Variants in UPF2 observed in about 807,000 individuals in gnomAD.
The protein encoded by UPF2 is regulator of nonsense transcripts 2.
UPF2 carries 17 observed loss-of-function variants against 141.4 expected under a neutral mutation model. The observed-to-expected ratio is 0.12, with a 90% CI of 0.08 to 0.18. UPF2 has a LOEUF of 0.18. Among genes scored for constraint, UPF2 ranks in the 10% least tolerant of loss-of-function variants. The pLI, the probability that UPF2 is intolerant of heterozygous loss-of-function variation, is 1.00. For missense variants in UPF2, 1,152 were observed against 1,515.9 expected (o/e 0.76, Z 3.99); for synonymous variants, 540 against 498.0 (o/e 1.08, Z -1.12).
intron 8 of UPF2, among the ~76,000 whole-genome samples, chr10:11,988,164 G>A (rs969298628): frequency 1.3e-5 from 2 of 152,166 alleles, no homozygotes; most frequent in African/African-American, 4.8e-5. Context: ...GATGCTCAAC[G>A]TCATATGTCA....
At chr10:12,036,855 G>A (rs117962534) in intron 1 of UPF2, among the ~76,000 whole-genome samples, 7,959 of 152,094 alleles carry the variant, frequency 0.052, 282 homozygotes, top group Non-Finnish European at 0.08. Flanking sequence ...GAGAAATCTC[G>A]TCTCTACTAA....
chr10:12,027,005 T>A (rs1299161881), intron 3 of UPF2, among the ~76,000 whole-genome samples: 1 of 152,176 alleles, frequency 6.6e-6, no homozygotes, highest in East Asian at 1.9e-4. Context: ...CTGTGTTTCA[T>A]TAAATTGTGA....
At chr10:11,932,560 T>TA (rs888259184) in intron 19 of UPF2, among the ~76,000 whole-genome samples, 1 of 151,842 alleles carries the variant, frequency 6.6e-6, no homozygotes, top group Non-Finnish European at 1.5e-5. Flanking sequence ...ATTATGTACT[T>TA]AAAAAAAACA....
chr10:11,921,466 C>T lies in UPF2; in HGVS notation c.3810-159G>A, dbSNP rs1014583673. Reference sequence around the variant, plus strand: ...TCCACATCCATGGACCAAAAATATTCGGGGGAAAAAAACCCAAACAATAAA... The same window carrying T: ...TCCACATCCATGGACCAAAAATATTTGGGGGAAAAAAACCCAAACAATAAA... On this transcript the variant is annotated intron_variant, in intron 21 of 21. Transcript: ENST00000357604. The surrounding 1 kb of genome is among the most constrained non-coding windows in gnomAD (Gnocchi z 5.9). Among the ~76,000 whole-genome samples, 1 of 151,690 alleles carries T rather than the reference C, an allele frequency of 6.6e-6. No homozygotes were observed.
chr10:11,941,588 A>T (rs1832936962), intron 18 of UPF2, among the ~76,000 whole-genome samples: 2 of 151,996 alleles, frequency 1.3e-5, no homozygotes, highest in Admixed American at 1.3e-4. Flanking sequence ...CTGTCTTTTA[A>T]CTCTACGACC....
At position 11,980,956 on chromosome 10, in the gene UPF2, G is replaced by A. The variant is rs1054408020; in HGVS notation, c.1845-1791C>T. Among the ~76,000 whole-genome samples the A allele has an allele frequency of 2.0e-5, 3 of 152,068 alleles. No homozygotes were observed. Among genetic ancestry groups the A allele is most frequent in the Admixed American group, 6.6e-5 (1 of 15,256 alleles). On this transcript the variant is annotated intron_variant, in intron 8 of 21. Transcript: ENST00000357604. The surrounding 1 kb of genome is among the most constrained non-coding windows in gnomAD (Gnocchi z 4.2). ...TAATCCCAGCACTTTGGCAGGCTGA[G>A]ACAGGTGGATCACCTGAGGTGAGGA... is the stretch of plus-strand genomic sequence containing the variant.
At chr10:12,004,869 T>C in intron 4 of UPF2, 142 bp from the exon 5 acceptor site, 2 of 736,274 alleles carry the variant, frequency 2.7e-6, no homozygotes, top group Non-Finnish European at 4.2e-6. Context: ...AACAAGCACA[T>C]GTGACCGTTT....
chr10:12,021,197 T>C (rs1210330033), intron 3 of UPF2, among the ~76,000 whole-genome samples: 1 of 152,160 alleles, frequency 6.6e-6, no homozygotes, highest in Non-Finnish European at 1.5e-5. Context: ...ATCTTCAAAA[T>C]ATAGGCATTT....
In UPF2 at chr10:12,042,804, G is replaced by A. The variant is rs913120170; in HGVS notation, c.-68C>T. Reference sequence around the variant, plus strand: ...CCCGGGTTTCCCAGCACCAACTCCAGCGCTCGGGCTCTCCCCTCCCCTCCC... The same window carrying A: ...CCCGGGTTTCCCAGCACCAACTCCAACGCTCGGGCTCTCCCCTCCCCTCCC... On this transcript the variant is annotated 5_prime_UTR_variant, in exon 1 of 22. Transcript: ENST00000357604. The surrounding 1 kb of genome is among the most constrained non-coding windows in gnomAD (Gnocchi z 5.5). 6 of 152,136 alleles carry A rather than the reference G, an allele frequency of 3.9e-5. No homozygotes were observed. The highest frequency in any genetic ancestry group is 1.4e-4 in the African/African-American group (6 of 41,458). 9.4% of individuals were successfully genotyped at this position (152,136 alleles called of 1,614,324 possible).
At chr10:11,947,143 G>A (rs193265867) in intron 16 of UPF2, among the ~76,000 whole-genome samples, 5 of 152,240 alleles carry the variant, frequency 3.3e-5, no homozygotes, top group African/African-American at 7.2e-5. Context: ...TGGAGACTAC[G>A]GTGAGCCGAG....
At chr10:12,036,558 AGGC>A (rs1834628980) in intron 1 of UPF2, among the ~76,000 whole-genome samples, 1 of 152,246 alleles carries the variant, frequency 6.6e-6, no homozygotes, top group African/African-American at 2.4e-5. Context: ...CCTATAGTAC[AGGC>A]TTATAGTTAA....
intron 3 of UPF2, among the ~76,000 whole-genome samples, chr10:12,028,188 T>A (rs1332704943): frequency 3.9e-5 from 6 of 152,196 alleles, no homozygotes; most frequent in African/African-American, 1.4e-4. Flanking sequence ...GAATTTTAAA[T>A]GAATGCCCCC....
chr10:11,928,484 CG>C, intron 21 of UPF2, among the ~76,000 whole-genome samples: 1 of 151,544 alleles, frequency 6.6e-6, no homozygotes, highest in East Asian at 2.0e-4. Context: ...CCGAGGCGGG[CG>C]GATCACGAGG....
chr10:12,008,996 C>G (rs969617517), intron 4 of UPF2, among the ~76,000 whole-genome samples: 20 of 152,180 alleles, frequency 1.3e-4, no homozygotes, highest in Admixed American at 9.2e-4. Flanking sequence ...CCAGCTTCAT[C>G]CATGTCCCTG....
chr10:11,934,739 G>A (rs536886440), intron 19 of UPF2, among the ~76,000 whole-genome samples: 26 of 152,210 alleles, frequency 1.7e-4, no homozygotes, highest in South Asian at 1.7e-3. Context: ...ACAGGCACAC[G>A]CCACCAAGCC....
In UPF2 at chr10:12,035,070, A is replaced by G. The variant is rs34312887; in HGVS notation, c.354T>C (p.Ala118=). 4.2e-4 allele frequency: 658 copies of G among 1,567,328 alleles called. 3 individuals are homozygous for G. In the African/African-American group the frequency reaches 8.1e-3, roughly 19 times the overall value. The part of the protein sequence containing the change: ...QAKRQQEEEA[A]AQMKEKEESI... Reference sequence around the variant, plus strand: ...ATCAACTGCCTTACTTCATCTGAGCAGCTGCTTCTTCTTCTTGCTGACGTT... The same window carrying G: ...ATCAACTGCCTTACTTCATCTGAGCGGCTGCTTCTTCTTCTTGCTGACGTT... Residue 118 remains alanine (A), a synonymous_variant, in exon 2 of 22, where the codon GCT becomes GCC. Transcript: ENST00000357604.
Position 12,016,185 on chromosome 10 carries a change from T to C in UPF2, c.1146-2001A>G, listed in dbSNP as rs1372886261. 1.3e-5 allele frequency among the ~76,000 whole-genome samples: 2 copies of C among 152,130 alleles called. No individual in the cohort carries two copies. The highest frequency in any genetic ancestry group is 2.9e-5 in the Non-Finnish European group (2 of 68,018). ...TTTTAATCAGAAGTTCTAATAGAAC[T>C]CATTTTGGAAGTGAAAAGTCATTTA... On this transcript the variant is annotated intron_variant, in intron 3 of 21. Transcript: ENST00000357604. This position sits in a 1 kb window ranked among gnomAD's most constrained non-coding sequence, Gnocchi z 4.1.
At chr10:11,933,663 A>G (rs7897567) in intron 19 of UPF2, among the ~76,000 whole-genome samples, 94,279 of 152,016 alleles carry the variant, frequency 0.62, 30,583 homozygotes, top group East Asian at 0.85. Context: ...AGACTGCTGG[A>G]GTATACTTAT....
At chr10:11,989,896 CAG>C (rs1833751624) in intron 8 of UPF2, among the ~76,000 whole-genome samples, 1 of 152,186 alleles carries the variant, frequency 6.6e-6, no homozygotes, top group Admixed American at 6.5e-5. Context: ...CCACCAAACC[CAG>C]AGGACTTCGA....
Sources: allele counts gnomAD v4.1 joint callset (sites outside exome capture counted in the v4.1 genomes callset), GRCh38; gene constraint gnomAD v4.1.1; non-coding constraint Gnocchi (gnomAD v3.1); transcripts MANE v1.5; gene names NCBI Gene and HGNC (gene_info 2026-07-23, HGNC 2026-07-21).